NRCAM: variants seen among roughly 807,000 people sequenced by gnomAD.
NRCAM encodes the protein neuronal cell adhesion molecule, also known as NgCAM-related cell adhesion molecule.
NRCAM carries 83 observed loss-of-function variants against 156.5 expected under a neutral mutation model. The observed-to-expected ratio is 0.53, with a 90% confidence interval of 0.44 to 0.64. NRCAM has a LOEUF of 0.64. Ranked by LOEUF, NRCAM falls within the 30% of genes least tolerant of loss-of-function variation. The pLI, the probability that NRCAM is intolerant of heterozygous loss-of-function variation, is 0.00. For synonymous variants in NRCAM, 538 were observed against 563.9 expected, an observed-to-expected ratio of 0.95 and a Z score of 0.65; for missense variants, 1,417 against 1,597.3, an observed-to-expected ratio of 0.89 and a Z score of 1.92.
intron 3 of NRCAM, among the ~76,000 whole-genome samples, chr7:108,286,840 A>T (rs946356587): frequency 2.0e-5 from 3 of 152,174 alleles, no homozygotes; most frequent in Non-Finnish European, 4.4e-5. Context: ...TATTATGTTT[A>T]GGCACATCTT....
intron 3 of NRCAM, among the ~76,000 whole-genome samples, chr7:108,303,109 G>A (rs572312912): frequency 1.3e-5 from 2 of 152,048 alleles, no homozygotes; most frequent in African/African-American, 4.8e-5. Context: ...TTACAGACAC[G>A]TGCCACCACG....
rs569161496 is a variant in NRCAM at position 108,220,109 on chromosome 7, C to T, written c.890+3616G>A. 4.2e-3 allele frequency among the ~76,000 whole-genome samples: 571 copies of T among 137,180 alleles called. 4 individuals carry two copies. The highest frequency in any genetic ancestry group is 0.015 in the African/African-American group (548 of 36,638). The allele number at this position is 137,180 out of a possible 152,430, so 90.0% of individuals were successfully genotyped here. ...ACTCAACCCCCTTTATAATAGCTGC[C>T]AAAAAAAAAAAAATCCTTAGGAATA... On this transcript the variant is annotated intron_variant, in intron 11 of 32. Coordinates refer to ENST00000379028, the MANE Select transcript of NRCAM (RefSeq NM_001037132.4).
intron 3 of NRCAM, among the ~76,000 whole-genome samples, chr7:108,244,737 A>T (rs2153829315): frequency 6.6e-6 from 1 of 152,306 alleles, no homozygotes; most frequent in South Asian, 2.1e-4. Flanking sequence ...AGTCCAAAGG[A>T]ATCTTCCACA....
At position 108,390,913 on chromosome 7, in the gene NRCAM, T is replaced by C. The variant is rs564066425; in HGVS notation, c.-174+8523A>G. Reference sequence around the variant, plus strand: ...TGAGTTTCTTAATCCTGAGTTCTAGTTTGATTGCACTGTGGTCTGAGAGAC... The same window carrying C: ...TGAGTTTCTTAATCCTGAGTTCTAGCTTGATTGCACTGTGGTCTGAGAGAC... On this transcript the variant is annotated intron_variant, in intron 2 of 32. Coordinates refer to ENST00000379028, the MANE Select transcript of NRCAM (RefSeq NM_001037132.4). Among the ~76,000 whole-genome samples, 8 of 99,914 alleles carry C rather than the reference T, an allele frequency of 8.0e-5. 1 individual carries two copies. The South Asian group carries it at 3.9e-3, about 49-fold the overall frequency. 65.5% of individuals were successfully genotyped at this position (99,914 alleles called of 152,430 possible). A position where few individuals can be genotyped will look rare whatever the true frequency, so the allele number is the denominator to read the frequency against.
chr7:108,425,575 C>T (rs1165717885), intron 1 of NRCAM, among the ~76,000 whole-genome samples: 1 of 152,152 alleles, frequency 6.6e-6, no homozygotes, highest in East Asian at 1.9e-4. Context: ...AACAATTTTG[C>T]TGCCTCAAAT....
intron 1 of NRCAM, among the ~76,000 whole-genome samples, chr7:108,442,034 T>C (rs2154482054): frequency 6.6e-6 from 1 of 152,336 alleles, no homozygotes; most frequent in South Asian, 2.1e-4. Flanking sequence ...TAATAAGTTA[T>C]AAAAATCATT....
rs59261989 is a variant in NRCAM, at chr7:108,451,410, C to CAA, written c.-332+4831_-332+4832dup. Among the ~76,000 whole-genome samples, 52 of 150,652 alleles carry CAA rather than the reference C, an allele frequency of 3.5e-4. 1 individual carries two copies. The highest frequency in any genetic ancestry group is 5.9e-4 in the Non-Finnish European group (40 of 67,650). On this transcript the variant is annotated intron_variant, in intron 1 of 32. Transcript: ENST00000379028. ...TATGGAAAAGAGTATAACGATGTCT[C>CAA]AAAAAAAAATAGAACTACCATATGA...
intron 13 of NRCAM, among the ~76,000 whole-genome samples, chr7:108,202,718 C>T (rs2078836568): frequency 6.6e-6 from 1 of 152,168 alleles, no homozygotes; most frequent in Non-Finnish European, 1.5e-5. Context: ...TCTCCTGGTG[C>T]TTATCTTACA....
chr7:108,327,315 T>A (rs2099079943), intron 2 of NRCAM, among the ~76,000 whole-genome samples: 1 of 152,132 alleles, frequency 6.6e-6, no homozygotes, highest in African/African-American at 2.4e-5. Context: ...GTTAAGAGGA[T>A]CAAACTGAAT....
chr7:108,407,525 G>A (rs941958792), intron 1 of NRCAM, among the ~76,000 whole-genome samples: 2 of 152,138 alleles, frequency 1.3e-5, no homozygotes, highest in African/African-American at 4.8e-5. Context: ...CCAAGTACCT[G>A]CTCAGAGCAC....
chr7:108,338,232 C>T (rs1377506583), intron 2 of NRCAM, among the ~76,000 whole-genome samples: 1 of 152,234 alleles, frequency 6.6e-6, no homozygotes, highest in East Asian at 1.9e-4. Flanking sequence ...CTGACCCATA[C>T]CTCCTGGGTC....
At chr7:108,397,175 T>C (rs1596383656) in intron 2 of NRCAM, among the ~76,000 whole-genome samples, 1 of 152,216 alleles carries the variant, frequency 6.6e-6, no homozygotes, top group East Asian at 1.9e-4. Context: ...TTCCAGCTGT[T>C]AGTGTTCAGT....
At chr7:108,435,871 G>C (rs1487155594) in intron 1 of NRCAM, among the ~76,000 whole-genome samples, 4 of 152,226 alleles carry the variant, frequency 2.6e-5, no homozygotes, top group Non-Finnish European at 5.9e-5. Context: ...GGTGGCTTAC[G>C]CCTGTAATCC....
intron 32 of NRCAM, chr7:108,156,778 C>G (rs1172330218): frequency 6.6e-6 from 1 of 152,016 alleles, no homozygotes; most frequent in Non-Finnish European, 1.5e-5. Flanking sequence ...TAATACAGAG[C>G]TCAAAACTTC....
intron 2 of NRCAM, among the ~76,000 whole-genome samples, chr7:108,318,384 G>C (rs2098957547): frequency 6.6e-6 from 1 of 152,036 alleles, no homozygotes; most frequent in Non-Finnish European, 1.5e-5. Context: ...AGGGGGTTCT[G>C]GTGCATGTGG....
chr7:108,317,721 C>T (rs1462485632), intron 2 of NRCAM, among the ~76,000 whole-genome samples: 1 of 151,840 alleles, frequency 6.6e-6, no homozygotes, highest in Non-Finnish European at 1.5e-5. Context: ...ACCAGCCTGG[C>T]CAACATGGTG....
rs1426405090 is a variant in NRCAM, at chr7:108,332,954, T to C, written c.-173-20223A>G. On this transcript the variant is annotated intron_variant, in intron 2 of 32. Coordinates refer to ENST00000379028, the MANE Select transcript of NRCAM (RefSeq NM_001037132.4). Reference sequence around the variant, plus strand: ...GAGAAAAAAAGGAGGTTGTAAAACATAAAAGGATCAAATCTATGCAATTGC... The same window carrying C: ...GAGAAAAAAAGGAGGTTGTAAAACACAAAAGGATCAAATCTATGCAATTGC... 2.0e-5 allele frequency among the ~76,000 whole-genome samples: 3 copies of C among 152,136 alleles called. No individual in the cohort carries two copies. In the East Asian group the frequency reaches 5.8e-4, roughly 29 times the overall value.
rs2099480850 is a variant in NRCAM at position 108,355,150 on chromosome 7, T to C, written c.-173-42419A>G. ...AAATTCATTCAATTCCAAAGTCCCA[T>C]GTAATTTTTCCATGAAATTGGATAA... On this transcript the variant is annotated intron_variant, in intron 2 of 32. Transcript: ENST00000379028. Among the ~76,000 whole-genome samples the C allele has an allele frequency of 2.6e-5, 4 of 152,200 alleles. No individual in the cohort carries two copies. In the South Asian group the frequency reaches 8.3e-4, roughly 31 times the overall value.
rs1188459270 is a variant in NRCAM, at chr7:108,218,742, C to T, written c.890+4983G>A. 7.2e-5 allele frequency among the ~76,000 whole-genome samples: 11 copies of T among 152,094 alleles called. No individual in the cohort carries two copies. The East Asian group carries it at 2.1e-3, about 29-fold the overall frequency. On this transcript the variant is annotated intron_variant, in intron 11 of 32. Transcript: ENST00000379028. ...AGAGGAAAGTTCATAGCTCTAAACGCCTACATCGAAAAGACTGAAAGGGCA... is the reference window on the plus strand; with the variant it reads ...AGAGGAAAGTTCATAGCTCTAAACGTCTACATCGAAAAGACTGAAAGGGCA...
Sources: allele counts gnomAD v4.1 joint callset (sites outside exome capture counted in the v4.1 genomes callset), GRCh38; gene constraint gnomAD v4.1.1; transcripts MANE v1.5; gene names NCBI Gene and HGNC (gene_info 2026-07-23, HGNC 2026-07-21).